CHD9: variants seen among roughly 807,000 people sequenced by gnomAD.
The protein encoded by CHD9 is ATP-dependent chromatin remodeler CHD9.
A neutral mutation model predicts 316.1 loss-of-function variants in CHD9; 77 were observed. The ratio of observed to expected loss-of-function variants is 0.24; its 90% CI spans 0.20 to 0.29. The LOEUF (loss-of-function observed/expected upper bound fraction) is 0.29, where lower values mean the gene tolerates loss of function less well. Among genes scored for constraint, CHD9 ranks in the 10% least tolerant of loss-of-function variants. The pLI is 1.00. For synonymous variants in CHD9, 1,129 were observed against 1,158.3 expected, an observed-to-expected ratio of 0.97 and a Z score of 0.51; for missense variants, 2,763 against 3,438.1, an observed-to-expected ratio of 0.80 and a Z score of 4.91.
At chr16:53,089,638 C>A (rs2035766013) in intron 1 of CHD9, among the ~76,000 whole-genome samples, 1 of 152,194 alleles carries the variant, frequency 6.6e-6, no homozygotes, top group Non-Finnish European at 1.5e-5. Flanking sequence ...ACACAACTGG[C>A]TCTGAATTCC....
intron 1 of CHD9, among the ~76,000 whole-genome samples, chr16:53,084,547 A>G (rs961511568): frequency 2.0e-5 from 3 of 152,196 alleles, no homozygotes; most frequent in Non-Finnish European, 4.4e-5. Context: ...GATCGAAACG[A>G]TCCTGGCCAA....
At chr16:53,181,136 G>A (rs1484887752) in intron 2 of CHD9, among the ~76,000 whole-genome samples, 7 of 150,172 alleles carry the variant, frequency 4.7e-5, no homozygotes, top group Admixed American at 6.6e-5. Flanking sequence ...TCAGCCTCCC[G>A]AGTAGCTGGG....
intron 1 of CHD9, among the ~76,000 whole-genome samples, chr16:53,135,333 A>G (rs1037339748): frequency 6.6e-6 from 1 of 152,164 alleles, no homozygotes; most frequent in African/African-American, 2.4e-5. Flanking sequence ...GAGAAGTGAT[A>G]CGCTTTAATC....
rs553387140 is a variant in CHD9, at chr16:53,217,534, G to A, written c.1785-5110G>A. Among the ~76,000 whole-genome samples the A allele has an allele frequency of 9.9e-5, 15 of 152,266 alleles. No homozygotes were observed. In the East Asian group the frequency reaches 2.1e-3, roughly 22 times the overall value. ...TTCCAAAAGTGCTGGGATCACAGGC[G>A]TGAGCCACCACACCTGTCTAGAATC... On this transcript the variant is annotated intron_variant, in intron 3 of 38. Coordinates refer to ENST00000447540, the MANE Select transcript of CHD9 (RefSeq NM_001308319.2).
At chr16:53,183,503 A>G (rs1411866784) in intron 2 of CHD9, among the ~76,000 whole-genome samples, 2 of 152,204 alleles carry the variant, frequency 1.3e-5, no homozygotes, top group African/African-American at 4.8e-5. Context: ...AAATATTAAC[A>G]TTTATTCCCG....
chr16:53,176,338 G>A (rs1004192500), intron 2 of CHD9, among the ~76,000 whole-genome samples: 5 of 152,012 alleles, frequency 3.3e-5, no homozygotes, highest in South Asian at 4.1e-4. Flanking sequence ...TTTTTCCTCC[G>A]TCTTCCACTT....
chr16:53,299,043 C>A, intron 30 of CHD9: 1 of 181,560 alleles, frequency 5.5e-6, no homozygotes, highest in East Asian at 1.4e-4. Context: ...GCAGCCTCAG[C>A]ACCTGGAACC....
chr16:53,188,462 T>C (rs1401601727), intron 2 of CHD9, among the ~76,000 whole-genome samples: 1 of 151,908 alleles, frequency 6.6e-6, no homozygotes, highest in Admixed American at 6.6e-5. Context: ...AATTTTTCCA[T>C]ACTTGCCAAT....
intron 1 of CHD9, among the ~76,000 whole-genome samples, chr16:53,065,782 TTGGTAC>T (rs2033447171): frequency 1.3e-5 from 2 of 152,280 alleles, no homozygotes; most frequent in African/African-American, 4.8e-5. Context: ...GACTTGCTCT[TTGGTAC>T]TGCCTTTTTG....
At chr16:53,179,180 C>T (rs759070218) in intron 2 of CHD9, among the ~76,000 whole-genome samples, 16 of 152,100 alleles carry the variant, frequency 1.1e-4, no homozygotes, top group Non-Finnish European at 2.1e-4. Context: ...TGAGACTTTA[C>T]CTCTAACTAT....
chr16:53,316,022 A>G (rs759766544), intron 36 of CHD9, among the ~76,000 whole-genome samples: 9 of 152,076 alleles, frequency 5.9e-5, no homozygotes, highest in Non-Finnish European at 1.0e-4. Flanking sequence ...TGGGCAAATC[A>G]CTTGAGTTCA....
chr16:53,308,527 A>G (rs527686690), intron 33 of CHD9, among the ~76,000 whole-genome samples, 159 bp from the exon 34 acceptor site: 1 of 152,250 alleles, frequency 6.6e-6, no homozygotes, highest in South Asian at 2.1e-4. Context: ...ATTGATTTAA[A>G]ATGTTTTTAT....
Position 53,245,943 on chromosome 16 carries a change from A to C in CHD9, c.3454+93A>C. 3 of 858,770 alleles carry C rather than the reference A, an allele frequency of 3.5e-6. No individual in the cohort carries two copies. The highest frequency in any genetic ancestry group is 5.0e-6 in the Non-Finnish European group (3 of 602,468). 53.2% of individuals were successfully genotyped at this position (858,770 alleles called of 1,614,324 possible). On this transcript the variant is annotated intron_variant, in intron 15 of 38. Transcript: ENST00000447540. The surrounding 1 kb of genome is among the most constrained non-coding windows in gnomAD (Gnocchi z 4.1). ...ACACACTACAGCTGTAGTGGCTGTT[A>C]TGACTCTCCACTGTGATATTCTAAG...
At chr16:53,292,027 T>G (rs759571905) in intron 28 of CHD9, among the ~76,000 whole-genome samples, 4 of 152,248 alleles carry the variant, frequency 2.6e-5, no homozygotes, top group Non-Finnish European at 5.9e-5. Flanking sequence ...TAAACTTGTA[T>G]GTGAGATTTC....
At chr16:53,219,198 G>A (rs1184870383) in intron 3 of CHD9, among the ~76,000 whole-genome samples, 1 of 152,054 alleles carries the variant, frequency 6.6e-6, no homozygotes, top group East Asian at 1.9e-4. Context: ...GCACTGATAG[G>A]GTTACGGAAA....
rs1467846115 is a variant in CHD9 at position 53,098,320 on chromosome 16, A to G, written c.-165+43243A>G. 6.6e-5 allele frequency among the ~76,000 whole-genome samples: 10 copies of G among 151,924 alleles called. No individual in the cohort carries two copies. The East Asian group carries it at 1.9e-3, about 29-fold the overall frequency. ...GTGAAACCTCGTCTCTACTAAAAAT[A>G]CAAAAATAAGCTGGGCATGGTGTTG... On this transcript the variant is annotated intron_variant, in intron 1 of 38. Coordinates refer to ENST00000447540, the MANE Select transcript of CHD9 (RefSeq NM_001308319.2).
chr16:53,089,806 C>G (rs1310443572), intron 1 of CHD9, among the ~76,000 whole-genome samples: 1 of 152,184 alleles, frequency 6.6e-6, no homozygotes, highest in East Asian at 1.9e-4. Flanking sequence ...GATGCCCTGG[C>G]AGGTGGCAAG....
At chr16:53,272,844 C>T (rs2052401153) in intron 22 of CHD9, among the ~76,000 whole-genome samples, 2 of 152,114 alleles carry the variant, frequency 1.3e-5, no homozygotes, top group African/African-American at 4.8e-5. Flanking sequence ...TACATAGGGA[C>T]TTCAACTATG....
At chr16:53,219,630 A>T (rs2047073258) in intron 3 of CHD9, among the ~76,000 whole-genome samples, 1 of 152,224 alleles carries the variant, frequency 6.6e-6, no homozygotes, top group South Asian at 2.1e-4. Context: ...ACTTAGTTAC[A>T]CATTATGATT....
Sources: allele counts gnomAD v4.1 joint callset (sites outside exome capture counted in the v4.1 genomes callset), GRCh38; gene constraint gnomAD v4.1.1; non-coding constraint Gnocchi (gnomAD v3.1); transcripts MANE v1.5; gene names NCBI Gene and HGNC (gene_info 2026-07-23, HGNC 2026-07-21).